ACAP2: variants seen among roughly 807,000 people sequenced by gnomAD.
ACAP2 encodes the protein arf-GAP with coiled-coil, ANK repeat and PH domain-containing protein 2.
In ACAP2, 39 loss-of-function variants were observed where a neutral mutation model predicts 115.8. That is an observed-to-expected ratio of 0.34 (90% CI 0.26 to 0.44). ACAP2 has a LOEUF of 0.44. Among genes scored for constraint, ACAP2 ranks in the 20% least tolerant of loss-of-function variants. ACAP2 has a pLI of 1.00. For synonymous variants in ACAP2, 289 were observed against 315.8 expected (o/e 0.92, Z 0.90); for missense variants, 662 against 927.6 (o/e 0.71, Z 3.72).
intron 2 of ACAP2, among the ~76,000 whole-genome samples, chr3:195,390,578 G>A (rs557061222): frequency 3.3e-5 from 5 of 152,166 alleles, no homozygotes; most frequent in South Asian, 4.1e-4. Context: ...ACTCAAAAGC[G>A]TGGTCCATGG....
In ACAP2 at chr3:195,276,404, C is replaced by T. The variant is rs1343661250; in HGVS notation, c.*2924G>A. ...TTTAAAACCTTAGAAATCTTAAGCA[C>T]ATAAATGTTATAATGAAGCATTTGC... On this transcript the variant is annotated 3_prime_UTR_variant, in exon 23 of 23. Transcript: ENST00000326793. 1.3e-5 allele frequency: 2 copies of T among 152,160 alleles called. No individual in the cohort carries two copies. The highest frequency in any genetic ancestry group is 2.9e-5 in the Non-Finnish European group (2 of 68,004). 9.4% of individuals were successfully genotyped at this position (152,160 alleles called of 1,614,324 possible).
chr3:195,301,548 A>G (rs780834109), intron 15 of ACAP2, 27 bp downstream of exon 15: 1 of 1,535,242 alleles, frequency 6.5e-7, no homozygotes, highest in Non-Finnish European at 8.9e-7. Context: ...AAAATATGAA[A>G]TATTTTAAAG....
chr3:195,385,837 G>A (rs147080770), intron 2 of ACAP2, among the ~76,000 whole-genome samples: 54 of 152,286 alleles, frequency 3.5e-4, no homozygotes, highest in African/African-American at 1.2e-3. Flanking sequence ...TAATATAGAT[G>A]GTCAGACTTA....
At chr3:195,393,527 G>A (rs1435908559) in intron 1 of ACAP2, among the ~76,000 whole-genome samples, 1 of 152,168 alleles carries the variant, frequency 6.6e-6, no homozygotes, top group Non-Finnish European at 1.5e-5. Context: ...GAAAATGGAA[G>A]GTGCTGCACT....
intron 9 of ACAP2, among the ~76,000 whole-genome samples, 181 bp from the exon 10 acceptor site, chr3:195,320,994 A>C (rs577516286): frequency 6.6e-6 from 1 of 152,300 alleles, no homozygotes; most frequent in East Asian, 1.9e-4. Flanking sequence ...GTTTCAATAC[A>C]TTAAAGTATT....
chr3:195,283,333 G>A (rs1206824954), intron 22 of ACAP2, among the ~76,000 whole-genome samples: 1 of 152,206 alleles, frequency 6.6e-6, no homozygotes, highest in Non-Finnish European at 1.5e-5. Flanking sequence ...GAAACAGGGA[G>A]TCCCAGGTCC....
intron 15 of ACAP2, among the ~76,000 whole-genome samples, chr3:195,300,158 T>C (rs560716076): frequency 1.3e-5 from 2 of 150,890 alleles, no homozygotes; most frequent in East Asian, 4.1e-4. Context: ...GCAATTCTCC[T>C]GCCTCAGCCT....
At chr3:195,351,134 G>GA (rs1560275073) in intron 4 of ACAP2, among the ~76,000 whole-genome samples, 1 of 79,438 alleles carries the variant, frequency 1.3e-5, no homozygotes. Context: ...TTTTTTGGGC[G>GA]GGGGACAGGG....
intron 18 of ACAP2, among the ~76,000 whole-genome samples, 200 bp from the exon 19 acceptor site, chr3:195,292,652 T>C (rs186434899): frequency 2.6e-5 from 4 of 152,266 alleles, no homozygotes; most frequent in Admixed American, 2.6e-4. Context: ...CCAGGCACGG[T>C]GGCTCACGCC....
intron 1 of ACAP2, among the ~76,000 whole-genome samples, chr3:195,432,996 A>G (rs542264523): frequency 1.3e-5 from 2 of 152,290 alleles, no homozygotes; most frequent in South Asian, 4.1e-4. Context: ...TCCTAGCTGA[A>G]CTTACTAGTT....
chr3:195,328,444 GATCT>G (rs1729946940), intron 8 of ACAP2, among the ~76,000 whole-genome samples: 1 of 151,952 alleles, frequency 6.6e-6, no homozygotes, highest in Non-Finnish European at 1.5e-5. Context: ...CAATGAAACA[GATCT>G]ATCACTATTA....
At chr3:195,426,819 A>C (rs1714718757) in intron 1 of ACAP2, among the ~76,000 whole-genome samples, 1 of 152,230 alleles carries the variant, frequency 6.6e-6, no homozygotes, top group Non-Finnish European at 1.5e-5. Flanking sequence ...ATTACAAATC[A>C]GTGTTGAGAC....
intron 4 of ACAP2, among the ~76,000 whole-genome samples, chr3:195,363,184 A>G (rs1732484541): frequency 6.6e-6 from 1 of 152,240 alleles, no homozygotes; most frequent in East Asian, 1.9e-4. Context: ...TCAAGGAAGT[A>G]ATCCCATTTA....
chr3:195,295,371 T>C (rs1289437053), intron 17 of ACAP2: 3 of 948,342 alleles, frequency 3.2e-6, no homozygotes, highest in African/African-American at 3.4e-5. Flanking sequence ...AAAACGTTAC[T>C]GGGAAAAAAT....
chr3:195,351,129 T>TTTTTTTTTTTG (rs75945777), intron 4 of ACAP2, among the ~76,000 whole-genome samples: 9 of 131,826 alleles, frequency 6.8e-5, no homozygotes, highest in East Asian at 3.0e-4. Context: ...TTTTTTTTTT[T>TTTTTTTTTTTG]GGGCGGGGGA....
chr3:195,389,370 T>C (rs1734506819), intron 2 of ACAP2, among the ~76,000 whole-genome samples: 1 of 152,258 alleles, frequency 6.6e-6, no homozygotes, highest in Non-Finnish European at 1.5e-5. Context: ...TCTATCTGTT[T>C]AGGTATTTTA....
intron 9 of ACAP2, among the ~76,000 whole-genome samples, chr3:195,324,998 T>C (rs900900237): frequency 9.9e-5 from 15 of 152,224 alleles, no homozygotes; most frequent in Middle Eastern, 3.4e-3. Flanking sequence ...AAATAAGATA[T>C]GCAAAAGACC....
intron 1 of ACAP2, among the ~76,000 whole-genome samples, chr3:195,399,201 TA>T (rs1712058822): frequency 6.6e-6 from 1 of 152,242 alleles, no homozygotes; most frequent in African/African-American, 2.4e-5. Context: ...CACCAGATTT[TA>T]TATTAACAAG....
chr3:195,279,349 C>G lies in ACAP2; in HGVS notation c.2316G>C (p.Gln772His), dbSNP rs1445408987. 1 of 1,602,654 alleles carries G rather than the reference C, an allele frequency of 6.2e-7. No individual in the cohort carries two copies. The highest frequency in any genetic ancestry group is 8.5e-7 in the Non-Finnish European group (1 of 1,176,188). Residue 772 changes from glutamine (Q) to histidine (H), a missense_variant, in exon 23 of 23, where the codon CAG (glutamine) becomes CAC (histidine). By Grantham distance (24) the Gln-to-His change is conservative. Coordinates refer to ENST00000326793, the MANE Select transcript of ACAP2 (RefSeq NM_012287.6). ...SNNPEKLNRFQQDSQKF is the reference protein window; with the variant it reads ...SNNPEKLNRFHQDSQKF ...AAATTCAGAATTTCTGTGAATCTTG[C>G]TGGAAACGATTTAGTTTCTCTGGAT... is the stretch of plus-strand genomic sequence containing the variant.
Sources: allele counts gnomAD v4.1 joint callset (sites outside exome capture counted in the v4.1 genomes callset), GRCh38; gene constraint gnomAD v4.1.1; transcripts MANE v1.5; gene names NCBI Gene and HGNC (gene_info 2026-07-23, HGNC 2026-07-21).